VRK1: variants seen among roughly 807,000 people sequenced by gnomAD.
VRK1 encodes VRK serine/threonine kinase 1.
Under a neutral mutation model 57.1 loss-of-function variants are expected in VRK1, and 33 were observed. The ratio of observed to expected loss-of-function variants is 0.58; its 90% CI spans 0.44 to 0.77. The LOEUF is 0.77. VRK1 is among the 30% of genes least tolerant of loss of function. The pLI is 0.00. For missense variants in VRK1, 413 were observed against 477.3 expected (o/e 0.87, Z 1.25); for synonymous variants, 137 against 147.8 (o/e 0.93, Z 0.53).
chr14:96,819,245 GCTCCTCCTAAATCACTCA>G (rs1310920570), intron 1 of VRK1, among the ~76,000 whole-genome samples: 2 of 152,112 alleles, frequency 1.3e-5, no homozygotes, highest in Non-Finnish European at 2.9e-5. Context: ...GGTGTTTTTG[GCTCCTCCTAAATCACTCA>G]TGAATTTATT....
intron 12 of VRK1, among the ~76,000 whole-genome samples, chr14:96,876,928 C>A (rs763735696): frequency 5.3e-5 from 8 of 152,146 alleles, no homozygotes; most frequent in Non-Finnish European, 7.4e-5. Flanking sequence ...CTAGGTTGGA[C>A]TTTGGTCTGA....
At chr14:96,842,410 A>G (rs764229907) in intron 3 of VRK1, among the ~76,000 whole-genome samples, 2 of 152,228 alleles carry the variant, frequency 1.3e-5, no homozygotes, top group Non-Finnish European at 2.9e-5. Flanking sequence ...ATTATGGACT[A>G]TTAAAGATCG....
chr14:96,855,653 T>C (rs1888125380), intron 8 of VRK1, among the ~76,000 whole-genome samples: 1 of 152,174 alleles, frequency 6.6e-6, no homozygotes, highest in South Asian at 2.1e-4. Flanking sequence ...AATGTTTGTT[T>C]TTGTGTTTTT....
Position 96,876,027 on chromosome 14 carries a change from A to G in VRK1, c.1069-3A>G. The G allele has an allele frequency of 6.2e-7, 1 of 1,612,648 alleles. No homozygotes were observed. On this transcript the variant is annotated splice_polypyrimidine_tract_variant and splice_region_variant and intron_variant, in intron 11 of 12. Transcript: ENST00000216639. Reference sequence around the variant, plus strand: ...TCTCTCTCTCTTTAATTTTATATGTAAGAAGCGAAAGAAAGAAATTGAAGA... The same window carrying G: ...TCTCTCTCTCTTTAATTTTATATGTGAGAAGCGAAAGAAAGAAATTGAAGA...
chr14:96,831,380 C>T (rs1886997342), intron 1 of VRK1, among the ~76,000 whole-genome samples: 1 of 152,150 alleles, frequency 6.6e-6, no homozygotes. Context: ...CTGCTGCCTC[C>T]ACCATGTCCA....
chr14:96,856,969 G>GA (rs147042810), intron 10 of VRK1, among the ~76,000 whole-genome samples: 3 of 150,984 alleles, frequency 2.0e-5, no homozygotes, highest in East Asian at 1.9e-4. Flanking sequence ...CTCCGTCTCA[G>GA]AAAAAAAAAT....
At chr14:96,838,804 T>C (rs1887328673) in intron 3 of VRK1, among the ~76,000 whole-genome samples, 1 of 152,242 alleles carries the variant, frequency 6.6e-6, no homozygotes, top group Admixed American at 6.5e-5. Context: ...TGTTTCGTTT[T>C]ACTCTCTTTT....
chr14:96,877,506 T>C lies in VRK1; in HGVS notation c.1159+1386T>C, dbSNP rs755687826. On this transcript the variant is annotated intron_variant, in intron 12 of 12. Coordinates refer to ENST00000216639, the MANE Select transcript of VRK1 (RefSeq NM_003384.3). ...TCTTGTTCATTTTGTTATTAGGAAG[T>C]GAGGAGTCCCAAGGAGCAATACATC... 60 of 1,289,310 alleles carry C rather than the reference T, an allele frequency of 4.7e-5. 1 individual carries two copies. In the South Asian group the frequency reaches 5.4e-4, roughly 12 times the overall value. The allele number at this position is 1,289,310 out of a possible 1,614,324, so 79.9% of individuals were successfully genotyped here.
chr14:96,833,485 A>G lies in VRK1; in HGVS notation c.14A>G (p.Lys5Arg), dbSNP rs773872467. Reference sequence around the variant, plus strand: ...GTTATAGTGAAAATGCCTCGTGTAAAAGCAGCTCAAGCTGGAAGACAGAGC... The same window carrying G: ...GTTATAGTGAAAATGCCTCGTGTAAGAGCAGCTCAAGCTGGAAGACAGAGC... The part of the protein sequence containing the change: MPRV[K>R]AAQAGRQSSA... The change falls in exon 2 of 13, where the codon AAA (lysine) becomes AGA (arginine). Residue 5 changes from lysine (K) to arginine (R), a missense_variant. Transcript: ENST00000216639. 4 of 1,613,492 alleles carry G rather than the reference A, an allele frequency of 2.5e-6. No individual in the cohort carries two copies. The African/African-American group carries it at 5.3e-5, about 22-fold the overall frequency.
At chr14:96,811,210 T>C (rs1354574201) in intron 1 of VRK1, among the ~76,000 whole-genome samples, 1 of 152,038 alleles carries the variant, frequency 6.6e-6, no homozygotes, top group African/African-American at 2.4e-5. Context: ...GGATTACAGG[T>C]GTGAGCCACC....
chr14:96,826,520 C>CT (rs1334283872), intron 1 of VRK1, among the ~76,000 whole-genome samples: 1 of 152,042 alleles, frequency 6.6e-6, no homozygotes, highest in African/African-American at 2.4e-5. Context: ...TAATGCTAAA[C>CT]TTTTTTTTCT....
chr14:96,846,602 A>C (rs1887703570), intron 4 of VRK1, among the ~76,000 whole-genome samples: 1 of 151,992 alleles, frequency 6.6e-6, no homozygotes, highest in South Asian at 2.1e-4. Context: ...CTGTAGAAGC[A>C]AGTAAACATT....
At chr14:96,871,058 G>A (rs1176355536) in intron 11 of VRK1, among the ~76,000 whole-genome samples, 1 of 152,102 alleles carries the variant, frequency 6.6e-6, no homozygotes, top group African/African-American at 2.4e-5. Flanking sequence ...GTCTACCATT[G>A]TATCAGTATT....
At chr14:96,850,122 A>G (rs1414510490) in intron 5 of VRK1, among the ~76,000 whole-genome samples, 1 of 152,218 alleles carries the variant, frequency 6.6e-6, no homozygotes, top group African/African-American at 2.4e-5. Context: ...CTTTAAAAAG[A>G]TGGCATTAGT....
chr14:96,850,564 A>T (rs898972549), intron 5 of VRK1, among the ~76,000 whole-genome samples: 1 of 152,222 alleles, frequency 6.6e-6, no homozygotes, highest in African/African-American at 2.4e-5. Flanking sequence ...TTAAGGTCTT[A>T]TTAAGAGTAG....
intron 1 of VRK1, among the ~76,000 whole-genome samples, chr14:96,818,654 A>G (rs1177926980): frequency 6.6e-6 from 1 of 152,092 alleles, no homozygotes; most frequent in Non-Finnish European, 1.5e-5. Context: ...TTATAAAGGT[A>G]CCATATAGCC....
intron 1 of VRK1, among the ~76,000 whole-genome samples, chr14:96,798,145 G>T (rs1885515137): frequency 1.3e-5 from 2 of 152,286 alleles, no homozygotes; most frequent in African/African-American, 4.8e-5. Context: ...CTGGTGCAAG[G>T]CAGTTAGAGC....
intron 1 of VRK1, among the ~76,000 whole-genome samples, chr14:96,815,611 C>T (rs1022418802): frequency 3.3e-5 from 5 of 151,754 alleles, no homozygotes; most frequent in South Asian, 2.1e-4. Flanking sequence ...AAGCCGGGTG[C>T]GGTGGTTCGT....
rs144600646 is a variant in VRK1 at position 96,855,254 on chromosome 14, C to T, written c.607C>T (p.Arg203Trp). ...CTTGGTAGATTATGGCCTTGCTTAT[C>T]GGTACTGCCCAGAAGGAGTTCATAA... is the stretch of plus-strand genomic sequence containing the variant. ...VYLVDYGLAY[R>W]YCPEGVHKEY... Residue 203 changes from arginine (R) to tryptophan (W), a missense_variant, in exon 8 of 13, where the codon CGG becomes TGG. Physicochemically the swap from Arg to Trp is moderately radical, Grantham distance 101. Coordinates refer to ENST00000216639, the MANE Select transcript of VRK1 (RefSeq NM_003384.3). 4.1e-5 allele frequency: 66 copies of T among 1,614,002 alleles called. No homozygotes were observed. Among genetic ancestry groups the T allele is most frequent in the Non-Finnish European group, 5.0e-5 (59 of 1,179,954 alleles).
Sources: allele counts gnomAD v4.1 joint callset (sites outside exome capture counted in the v4.1 genomes callset), GRCh38; gene constraint gnomAD v4.1.1; transcripts MANE v1.5; gene names NCBI Gene and HGNC (gene_info 2026-07-23, HGNC 2026-07-21).